The following CYP24A1 variants were observed in gnomAD, a reference collection of about 807,000 sequenced individuals.
CYP24A1 encodes cytochrome P450 family 24 subfamily A member 1, also known as 1,25-dihydroxyvitamin D(3) 24-hydroxylase, mitochondrial.
A neutral mutation model predicts 62.4 loss-of-function variants in CYP24A1; 68 were observed. The observed-to-expected ratio is 1.09, with a 90% CI of 0.90 to 1.33. CYP24A1 has a LOEUF of 1.33. Ranked by LOEUF, CYP24A1 falls within the 40% of genes most tolerant of loss-of-function variation. CYP24A1 has a pLI of 0.00. For synonymous variants in CYP24A1, 267 were observed against 253.0 expected (o/e 1.06, Z -0.52); for missense variants, 787 against 653.0 (o/e 1.21, Z -2.24).
chr20:54,172,880 C>A lies in CYP24A1; in HGVS notation c.449+29G>T, dbSNP rs1366285881. 4 of 1,613,180 alleles carry A rather than the reference C, an allele frequency of 2.5e-6. No homozygotes were observed. In the South Asian group the frequency reaches 4.4e-5, roughly 18 times the overall value. Reference sequence around the variant, plus strand: ...CCGTCAGGCTCATCAGGTCTGGCCGCATGCCCAGGTCCCTCGGATTGGACT... The same window carrying A: ...CCGTCAGGCTCATCAGGTCTGGCCGAATGCCCAGGTCCCTCGGATTGGACT... On this transcript the variant is annotated intron_variant, in intron 2 of 11. Transcript: ENST00000216862.
intron 9 of CYP24A1, 109 bp downstream of exon 9, chr20:54,157,977 T>G: frequency 2.6e-6 from 4 of 1,543,308 alleles, no homozygotes; most frequent in African/African-American, 2.7e-5. Flanking sequence ...CATCTCTGCA[T>G]TCCCAAAATG....
chr20:54,173,464 C>T lies in CYP24A1; in HGVS notation c.116G>A (p.Arg39Gln), dbSNP rs746336182. Residue 39 changes from arginine to glutamine, a missense_variant, in exon 1 of 12, where the codon CGA becomes CAA. Coordinates refer to ENST00000216862, the MANE Select transcript of CYP24A1 (RefSeq NM_000782.5). This position sits in a 1 kb window ranked among gnomAD's most constrained non-coding sequence, Gnocchi z 7.2. ...TGTCAGCGGGCAGACTGGCACCTCT[C>T]GCGGCTGAGGGGACGTGTACGCCGT... ...TSTAYTSPQP[R>Q]EVPVCPLTAG... The T allele has an allele frequency of 1.3e-6, 2 of 1,566,866 alleles. No homozygotes were observed. Among genetic ancestry groups the T allele is most frequent in the East Asian group, 2.4e-5 (1 of 41,988 alleles).
the CYP24A1 span, among the ~76,000 whole-genome samples, chr20:54,144,369 T>C: frequency 1.3e-5 from 2 of 151,642 alleles, no homozygotes; most frequent in Non-Finnish European, 2.9e-5. Context: ...CCTACCTCAG[T>C]CTCCCTAGTA....
chr20:54,166,729 T>C (rs964875819), intron 4 of CYP24A1, among the ~76,000 whole-genome samples: 4 of 152,036 alleles, frequency 2.6e-5, no homozygotes, highest in Non-Finnish European at 5.9e-5. Context: ...GTAACCTTTT[T>C]TTTTTAAAAA....
In CYP24A1 at chr20:54,159,186, T is replaced by C. The variant is rs978596551; in HGVS notation, c.991-63A>G. 6 of 1,364,592 alleles carry C rather than the reference T, an allele frequency of 4.4e-6. No individual in the cohort carries two copies. The East Asian group carries it at 1.4e-4, about 31-fold the overall frequency. 84.5% of individuals were successfully genotyped at this position (1,364,592 alleles called of 1,614,324 possible). Reference sequence around the variant, plus strand: ...ATAACTGCATTAAACCACTATTAGCTGAAAAAAAGGTGATGCCCACCACCT... The same window carrying C: ...ATAACTGCATTAAACCACTATTAGCCGAAAAAAAGGTGATGCCCACCACCT... On this transcript the variant is annotated intron_variant, in intron 7 of 11. Coordinates refer to ENST00000216862, the MANE Select transcript of CYP24A1 (RefSeq NM_000782.5).
chr20:54,167,722 G>A (rs2092677095), intron 4 of CYP24A1, among the ~76,000 whole-genome samples: 1 of 152,084 alleles, frequency 6.6e-6, no homozygotes, highest in Admixed American at 6.6e-5. Flanking sequence ...GCAGTGAGCC[G>A]AGATCACGCC....
chr20:54,159,310 A>G (rs2092641539), intron 7 of CYP24A1, among the ~76,000 whole-genome samples, 187 bp from the exon 8 acceptor site: 1 of 152,222 alleles, frequency 6.6e-6, no homozygotes, highest in African/African-American at 2.4e-5. Context: ...TTCATAAAAC[A>G]TATCAATTAA....
intron 8 of CYP24A1, among the ~76,000 whole-genome samples, chr20:54,158,562 G>A (rs958502317): frequency 3.3e-5 from 5 of 152,152 alleles, no homozygotes; most frequent in Non-Finnish European, 4.4e-5. Context: ...CCAAAAGGAT[G>A]TAAAAAGAAT....
chr20:54,171,413 G>T (rs2092693333), intron 3 of CYP24A1, among the ~76,000 whole-genome samples, 164 bp downstream of exon 3: 1 of 152,144 alleles, frequency 6.6e-6, no homozygotes, highest in Non-Finnish European at 1.5e-5. Flanking sequence ...AGGGTTTGGT[G>T]GGGAGGAGGC....
rs1388410984 is a variant in CYP24A1, at chr20:54,169,624, A to G, written c.608T>C (p.Leu203Ser). Residue 203 changes from leucine to serine, a missense_variant, in exon 4 of 12, where the codon TTG (leucine) becomes TCG (serine). Transcript: ENST00000216862. ...LCDERGHVED[L>S]YSELNKWSFE... ...CGACCATTTGTTCAGTTCGCTGTAC[A>G]AGTCTTCAACGTGGCCTCTTTCATC... 14 of 1,614,084 alleles carry G rather than the reference A, an allele frequency of 8.7e-6. No homozygotes were observed. The highest frequency in any genetic ancestry group is 1.2e-5 in the Non-Finnish European group (14 of 1,180,044).
At chr20:54,168,846 T>TCTTCCTTCCTTC (rs1195139713) in intron 4 of CYP24A1, among the ~76,000 whole-genome samples, 7,042 of 43,516 alleles carry the variant, frequency 0.16, 671 homozygotes, top group Admixed American at 0.23. Flanking sequence ...CTCCCTCCCT[T>TCTTCCTTCCTTC]CTTCCTTCCT....
At chr20:54,149,702 A>T (rs970485377), downstream of CYP24A1, among the ~76,000 whole-genome samples, 1 of 152,164 alleles carries the variant, frequency 6.6e-6, no homozygotes, top group Non-Finnish European at 1.5e-5. Context: ...TGCACACTTA[A>T]CCCAGGCACA....
At chr20:54,146,490 A>G in the CYP24A1 span, among the ~76,000 whole-genome samples, 2 of 152,344 alleles carry the variant, frequency 1.3e-5, no homozygotes, top group Admixed American at 1.3e-4. Context: ...TAACAGAAAA[A>G]AAGCATTAAC....
downstream of CYP24A1, among the ~76,000 whole-genome samples, chr20:54,151,106 G>T (rs1489748027): frequency 6.6e-6 from 1 of 151,624 alleles, no homozygotes; most frequent in Non-Finnish European, 1.5e-5. Context: ...CAGTAGCATG[G>T]GCTGCTTGAT....
At position 54,172,732 on chromosome 20, in the gene CYP24A1, ACT is replaced by A. The variant is rs2146512347; in HGVS notation, c.449+175_449+176del. ...CACAGCACGGCTTTTCCGTGGACCG[ACT>A]CTAATCTGTACAAGAGCTCAGGGTT... On this transcript the variant is annotated intron_variant, in intron 2 of 11. Coordinates refer to ENST00000216862, the MANE Select transcript of CYP24A1 (RefSeq NM_000782.5). 6 of 1,428,026 alleles carry A rather than the reference ACT, an allele frequency of 4.2e-6. No individual in the cohort carries two copies. In the South Asian group the frequency reaches 8.3e-5, roughly 20 times the overall value. 88.5% of individuals were successfully genotyped at this position (1,428,026 alleles called of 1,614,324 possible).
At chr20:54,148,369 GAC>G in the CYP24A1 span, among the ~76,000 whole-genome samples, 19,656 of 133,264 alleles carry the variant, frequency 0.15, 1,445 homozygotes, top group East Asian at 0.19. Context: ...CAGACACACA[GAC>G]ACACACACAC....
At position 54,172,926 on chromosome 20, in the gene CYP24A1, G is replaced by A. The variant is rs1340436510; in HGVS notation, c.432C>T (p.Gly144=). ...GGACTCACAGGATCAGCAGCCCGTAGCCTTCTTTGCGGTAGTCGCGATAGG... is the reference window on the plus strand; with the variant it reads ...GGACTCACAGGATCAGCAGCCCGTAACCTTCTTTGCGGTAGTCGCGATAGG... ...WKAYRDYRKE[G]YGLLILEGED... is the part of the protein sequence containing the mutation. Residue 144 remains glycine, a synonymous_variant, in exon 2 of 12, where the codon GGC becomes GGT. Transcript: ENST00000216862. 3 of 1,613,798 alleles carry A rather than the reference G, an allele frequency of 1.9e-6. No individual in the cohort carries two copies. Among genetic ancestry groups the A allele is most frequent in the Non-Finnish European group, 2.5e-6 (3 of 1,180,030 alleles).
chr20:54,173,041 G>A lies in CYP24A1; in HGVS notation c.317C>T (p.Ser106Leu), dbSNP rs1260984362. The change falls in exon 2 of 12, where the codon TCG becomes TTG. Residue 106 changes from serine to leucine, a missense_variant. Transcript: ENST00000216862. The surrounding 1 kb of genome is among the most constrained non-coding windows in gnomAD (Gnocchi z 7.2). ...IFRMKLGSFE[S>L]VHLGSPCLLE... The stretch of plus-strand genomic sequence containing the variant: ...CAGGCATGGCGAGCCCAGGTGCACC[G>A]ACTCAAAGGAACCCAACTTCATGCG... 11 of 1,608,780 alleles carry A rather than the reference G, an allele frequency of 6.8e-6. No homozygotes were observed. The highest frequency in any genetic ancestry group is 3.3e-5 in the Admixed American group (2 of 60,010).
chr20:54,145,896 G>T, the CYP24A1 span, among the ~76,000 whole-genome samples: 13,891 of 152,196 alleles, frequency 0.091, 932 homozygotes, highest in East Asian at 0.28. Context: ...TTTACTTAGG[G>T]ATCATCTTTT....
Sources: gnomAD v4.1 joint callset for allele counts (sites outside exome capture counted in the v4.1 genomes callset) on GRCh38, gnomAD v4.1.1 for gene constraint, Gnocchi (gnomAD v3.1) non-coding constraint, MANE v1.5 for transcripts, NCBI Gene and HGNC (gene_info 2026-07-23, HGNC 2026-07-21) for gene names.